DOCK1: variants seen among roughly 807,000 people sequenced by gnomAD.
DOCK1 encodes the protein dedicator of cytokinesis 1.
DOCK1 carries 138 observed loss-of-function variants against 262.7 expected under a neutral mutation model. The observed-to-expected ratio is 0.53, with a 90% CI of 0.46 to 0.61. The LOEUF is 0.61. Ranked by LOEUF, DOCK1 falls within the 20% of genes least tolerant of loss-of-function variation. The pLI is 0.00. For missense variants in DOCK1, 1,908 were observed against 2,370.7 expected (o/e 0.80, Z 4.05); for synonymous variants, 866 against 867.4 (o/e 1.00, Z 0.03).
chr10:127,181,658 C>G (rs753856167), intron 27 of DOCK1, among the ~76,000 whole-genome samples: 1 of 152,188 alleles, frequency 6.6e-6, no homozygotes, highest in Non-Finnish European at 1.5e-5. Flanking sequence ...TCAGCATTTT[C>G]TTCCATATGC....
chr10:127,203,093 C>T (rs934562075), intron 27 of DOCK1, among the ~76,000 whole-genome samples: 14 of 152,224 alleles, frequency 9.2e-5, no homozygotes, highest in African/African-American at 3.4e-4. Flanking sequence ...CGATAGCACT[C>T]TAAGCTTCCC....
chr10:127,075,213 G>A (rs1195585712), intron 23 of DOCK1, among the ~76,000 whole-genome samples: 2 of 141,726 alleles, frequency 1.4e-5, no homozygotes, highest in Non-Finnish European at 3.0e-5. Flanking sequence ...GAGTTGTTAT[G>A]TCTGGGAAAT....
intron 29 of DOCK1, among the ~76,000 whole-genome samples, chr10:127,285,117 G>A (rs1423781187): frequency 1.3e-5 from 2 of 152,164 alleles, no homozygotes; most frequent in African/African-American, 2.4e-5. Context: ...CAGCCTGGGC[G>A]ACAGAGTGAG....
At chr10:127,207,632 C>T (rs2057783823) in intron 27 of DOCK1, among the ~76,000 whole-genome samples, 1 of 152,148 alleles carries the variant, frequency 6.6e-6, no homozygotes, top group Admixed American at 6.5e-5. Context: ...GAAAGAATAG[C>T]TCATAGCAGG....
At chr10:126,994,388 T>C (rs1301986434) in intron 6 of DOCK1, among the ~76,000 whole-genome samples, 1 of 152,164 alleles carries the variant, frequency 6.6e-6, no homozygotes, top group Non-Finnish European at 1.5e-5. Context: ...GGCAGGGTCA[T>C]AGGACAATAG....
At chr10:127,285,724 A>C (rs2061126832) in intron 29 of DOCK1, among the ~76,000 whole-genome samples, 1 of 152,140 alleles carries the variant, frequency 6.6e-6, no homozygotes, top group East Asian at 1.9e-4. Context: ...GTCCCTATGG[A>C]GCTGCTGCTG....
chr10:127,084,481 T>C (rs1399107671), intron 23 of DOCK1, among the ~76,000 whole-genome samples: 1 of 152,128 alleles, frequency 6.6e-6, no homozygotes, highest in Non-Finnish European at 1.5e-5. Context: ...CAGGGGAAAA[T>C]ACCAACACTG....
chr10:127,199,436 G>A (rs982805189), intron 27 of DOCK1, among the ~76,000 whole-genome samples: 5 of 152,204 alleles, frequency 3.3e-5, no homozygotes, highest in African/African-American at 1.2e-4. Context: ...TGTTCCAAAC[G>A]GGAAATAATC....
chr10:127,251,259 A>G (rs61872139), intron 28 of DOCK1, among the ~76,000 whole-genome samples: 50,471 of 151,742 alleles, frequency 0.33, 9,630 homozygotes, highest in South Asian at 0.57. Context: ...GATTACAGGC[A>G]TGAGCCACCA....
chr10:127,092,348 A>T (rs946480160), intron 23 of DOCK1, among the ~76,000 whole-genome samples: 2 of 152,164 alleles, frequency 1.3e-5, no homozygotes, highest in African/African-American at 4.8e-5. Flanking sequence ...CGCTCCCGCC[A>T]CAGGGCCCCA....
In DOCK1 at chr10:127,433,315, C is replaced by A. The variant is rs371452699; in HGVS notation, c.4947C>A (p.Arg1649=). The change falls in exon 48 of 52, where the codon CGC becomes CGA. Residue 1649 remains arginine (R), a synonymous_variant. Coordinates refer to ENST00000623213, the MANE Select transcript of DOCK1 (RefSeq NM_001290223.2). ...PSSLDDRRGS[R]PRSMVRSFTM... ...GTCTGGATGATAGAAGAGGCAGCCG[C>A]CCCCGGTCCATGGTGCGGTCCTTCA... 77 of 1,613,934 alleles carry A rather than the reference C, an allele frequency of 4.8e-5. No homozygotes were observed. In the African/African-American group the frequency reaches 9.3e-4, roughly 20 times the overall value.
intron 1 of DOCK1, among the ~76,000 whole-genome samples, chr10:126,910,813 G>T (rs151244330): frequency 6.6e-6 from 1 of 152,100 alleles, no homozygotes; most frequent in Non-Finnish European, 1.5e-5. Flanking sequence ...AGAGTGTTCC[G>T]TTAGTGAAAT....
intron 27 of DOCK1, among the ~76,000 whole-genome samples, chr10:127,142,327 C>T (rs552935764): frequency 6.6e-6 from 1 of 152,312 alleles, no homozygotes; most frequent in African/African-American, 2.4e-5. Context: ...AGTCCCCTTG[C>T]AACCTCCCAG....
intron 29 of DOCK1, among the ~76,000 whole-genome samples, chr10:127,276,627 C>A: frequency 6.6e-6 from 1 of 152,166 alleles, no homozygotes; most frequent in Non-Finnish European, 1.5e-5. Context: ...TTCAGGCAGG[C>A]AGCCTGATCT....
At chr10:127,435,189 A>G (rs2069597702) in intron 48 of DOCK1, among the ~76,000 whole-genome samples, 1 of 152,224 alleles carries the variant, frequency 6.6e-6, no homozygotes, top group Non-Finnish European at 1.5e-5. Context: ...TACAAAAAGA[A>G]AAAAATGTTG....
intron 27 of DOCK1, among the ~76,000 whole-genome samples, chr10:127,154,247 A>C (rs1016465507): frequency 2.0e-5 from 3 of 152,236 alleles, no homozygotes; most frequent in African/African-American, 7.2e-5. Context: ...AACTTTGAGG[A>C]AAAACCAACC....
chr10:127,340,097 G>A (rs767539047), intron 30 of DOCK1, among the ~76,000 whole-genome samples: 1 of 151,952 alleles, frequency 6.6e-6, no homozygotes, highest in African/African-American at 2.4e-5. Context: ...AGTGTTTGTT[G>A]TATTGGCATT....
intron 27 of DOCK1, among the ~76,000 whole-genome samples, chr10:127,158,862 G>A (rs1564851808): frequency 6.6e-6 from 1 of 152,064 alleles, no homozygotes; most frequent in Non-Finnish European, 1.5e-5. Context: ...TCAGCACCAG[G>A]GACAGTGTTA....
At chr10:127,062,217 G>A (rs1431983258) in intron 23 of DOCK1, among the ~76,000 whole-genome samples, 1 of 152,046 alleles carries the variant, frequency 6.6e-6, no homozygotes, top group African/African-American at 2.4e-5. Context: ...GGGATTATAG[G>A]CGTGAGCCAC....
Sources: allele counts gnomAD v4.1 joint callset (sites outside exome capture counted in the v4.1 genomes callset), GRCh38; gene constraint gnomAD v4.1.1; transcripts MANE v1.5; gene names NCBI Gene and HGNC (gene_info 2026-07-23, HGNC 2026-07-21).